Variants in GRAMD1B observed in about 807,000 individuals in gnomAD.
GRAMD1B encodes the protein protein Aster-B.
Under a neutral mutation model 99.7 loss-of-function variants are expected in GRAMD1B, and 37 were observed. The ratio of observed to expected loss-of-function variants is 0.37; its 90% confidence interval spans 0.29 to 0.49. The LOEUF is 0.49. Among genes scored for constraint, GRAMD1B ranks in the 20% least tolerant of loss-of-function variants. GRAMD1B has a pLI of 0.98. For missense variants in GRAMD1B, 888 were observed against 1,009.2 expected, an observed-to-expected ratio of 0.88 and a Z score of 1.63; for synonymous variants, 427 against 387.6, an observed-to-expected ratio of 1.10 and a Z score of -1.19.
At chr11:123,411,567 C>A (rs1379084729) in intron 1 of GRAMD1B, among the ~76,000 whole-genome samples, 1 of 152,136 alleles carries the variant, frequency 6.6e-6, no homozygotes, top group Non-Finnish European at 1.5e-5. Context: ...AAGTTACATT[C>A]CCCCAGAGAT....
intron 8 of GRAMD1B, among the ~76,000 whole-genome samples, chr11:123,602,149 G>A (rs150898853): frequency 1.6e-3 from 243 of 152,150 alleles, no homozygotes; most frequent in African/African-American, 5.3e-3. Flanking sequence ...AGAGAGCTGC[G>A]GCCCCCAACT....
At chr11:123,536,459 G>A (rs1050323377) in intron 2 of GRAMD1B, among the ~76,000 whole-genome samples, 2 of 152,018 alleles carry the variant, frequency 1.3e-5, no homozygotes, top group Admixed American at 6.6e-5. Flanking sequence ...ATAAAATCGG[G>A]TTAATGACAT....
At position 123,384,011 on chromosome 11, in the gene GRAMD1B, C is replaced by A. The variant is rs1946975938; in HGVS notation, c.-176+25212C>A. Among the ~76,000 whole-genome samples the A allele has an allele frequency of 2.6e-5, 4 of 152,014 alleles. No individual in the cohort carries two copies. The South Asian group carries it at 8.3e-4, about 32-fold the overall frequency. On this transcript the variant is annotated intron_variant, in intron 1 of 20. Coordinates refer to the GRAMD1B transcript ENST00000638157. The stretch of plus-strand genomic sequence containing the variant: ...TTAGCCTCCTGAATAGTTGGGATTA[C>A]AGGCATGCACCACCACGCCCAGCTA...
intron 2 of GRAMD1B, among the ~76,000 whole-genome samples, chr11:123,513,980 A>G (rs929729103): frequency 2.6e-5 from 4 of 152,232 alleles, no homozygotes; most frequent in South Asian, 4.1e-4. Flanking sequence ...ACTTTGAGAA[A>G]AGAGGTTAGG....
In GRAMD1B at chr11:123,626,127, G is replaced by A. The variant is rs1413806072; in HGVS notation, c.*3532G>A. 6.6e-6 allele frequency: 1 copy of A among 152,190 alleles called. No homozygotes were observed. The highest frequency in any genetic ancestry group is 1.5e-5 in the Non-Finnish European group (1 of 68,052). The allele number at this position is 152,190 out of a possible 1,614,324, so 9.4% of individuals were successfully genotyped here. ...AGCTCATCTTCTATCTCTAGGGTCTGTTCAGCCTTTCATCTATCCATCCTT... is the reference window on the plus strand; with the variant it reads ...AGCTCATCTTCTATCTCTAGGGTCTATTCAGCCTTTCATCTATCCATCCTT... On this transcript the variant is annotated 3_prime_UTR_variant, in exon 20 of 20. Coordinates refer to ENST00000635736, the MANE Select transcript of GRAMD1B (RefSeq NM_001387025.1).
At chr11:123,572,627 T>C (rs1948233004) in intron 2 of GRAMD1B, among the ~76,000 whole-genome samples, 1 of 152,154 alleles carries the variant, frequency 6.6e-6, no homozygotes, top group South Asian at 2.1e-4. Context: ...GTAAGGGGTA[T>C]ATGTGGGCTT....
intron 2 of GRAMD1B, among the ~76,000 whole-genome samples, chr11:123,574,644 G>T (rs1052124912): frequency 5.9e-5 from 9 of 152,186 alleles, no homozygotes; most frequent in African/African-American, 2.2e-4. Context: ...ATTGAGAATG[G>T]GCAGTCGTGG....
chr11:123,369,939 C>G (rs1591365828), intron 1 of GRAMD1B, among the ~76,000 whole-genome samples: 1 of 151,720 alleles, frequency 6.6e-6, no homozygotes, highest in African/African-American at 2.4e-5. Flanking sequence ...ATGCCCCTTT[C>G]TTGGAGAAAA....
intron 1 of GRAMD1B, among the ~76,000 whole-genome samples, chr11:123,390,271 A>G (rs1947228946): frequency 6.6e-6 from 1 of 152,146 alleles, no homozygotes; most frequent in Admixed American, 6.5e-5. Context: ...AAGTCCAATG[A>G]CATGAAATAA....
chr11:123,430,536 C>T lies in GRAMD1B; in HGVS notation c.-257C>T. 1 of 446,166 alleles carries T rather than the reference C, an allele frequency of 2.2e-6. No individual in the cohort carries two copies. The highest frequency in any genetic ancestry group is 3.7e-5 in the East Asian group (1 of 27,266). 27.6% of individuals were successfully genotyped at this position (446,166 alleles called of 1,614,324 possible). ...CTGCCGAGTGGCTGGCAGGCGGCTC[C>T]CGCCCCTCCCGGGTGGCCTCGCCGG... On this transcript the variant is annotated 5_prime_UTR_variant, in exon 1 of 20. Coordinates refer to ENST00000635736, the MANE Select transcript of GRAMD1B (RefSeq NM_001387025.1).
rs1948820714 is a variant in GRAMD1B, at chr11:123,430,493, A to AG, written c.-296dup. ...CGGAAGAAAAACAAGCGGGCGCGCG[A>AG]GGGGAGCCCCAGGAGGGCTGCCGAG... On this transcript the variant is annotated 5_prime_UTR_variant, in exon 1 of 20. Transcript: ENST00000635736. 1 of 388,202 alleles carries AG rather than the reference A, an allele frequency of 2.6e-6. No individual in the cohort carries two copies. The highest frequency in any genetic ancestry group is 4.6e-6 in the Non-Finnish European group (1 of 218,346). 24.0% of individuals were successfully genotyped at this position (388,202 alleles called of 1,614,324 possible). A position where few individuals can be genotyped will look rare whatever the true frequency, so the allele number is the denominator to read the frequency against.
intron 1 of GRAMD1B, among the ~76,000 whole-genome samples, chr11:123,403,448 G>GATAAAATA (rs1555112781): frequency 7.9e-5 from 11 of 139,170 alleles, no homozygotes; most frequent in African/African-American, 2.7e-4. Flanking sequence ...TGATGATGAT[G>GATAAAATA]ATAATAATAA....
chr11:123,619,587 G>T, intron 19 of GRAMD1B: 1 of 1,109,886 alleles, frequency 9.0e-7, no homozygotes, highest in Non-Finnish European at 1.1e-6. Flanking sequence ...TTCCCAGAGG[G>T]CATGTCTTTG....
At chr11:123,401,427 C>A (rs148252718) in intron 1 of GRAMD1B, among the ~76,000 whole-genome samples, 1 of 152,246 alleles carries the variant, frequency 6.6e-6, no homozygotes, top group African/African-American at 2.4e-5. Context: ...CTGTTGGCCC[C>A]GTGCAGAGCA....
intron 1 of GRAMD1B, among the ~76,000 whole-genome samples, chr11:123,379,499 A>G (rs1379121732): frequency 6.6e-6 from 1 of 152,138 alleles, no homozygotes; most frequent in Non-Finnish European, 1.5e-5. Context: ...ATGTTTTAGC[A>G]TTTATCATCA....
chr11:123,450,042 G>T (rs1490787513), intron 1 of GRAMD1B, among the ~76,000 whole-genome samples: 1 of 152,128 alleles, frequency 6.6e-6, no homozygotes, highest in Non-Finnish European at 1.5e-5. Flanking sequence ...CCGTTCTAAA[G>T]GTAGTCTCTA....
chr11:123,421,748 C>T (rs2136030291), intron 1 of GRAMD1B, among the ~76,000 whole-genome samples: 1 of 152,276 alleles, frequency 6.6e-6, no homozygotes, highest in Admixed American at 6.5e-5. Flanking sequence ...TGTTTCGTTT[C>T]CTGGAAAAGG....
intron 1 of GRAMD1B, among the ~76,000 whole-genome samples, chr11:123,380,117 A>G (rs553663604): frequency 7.9e-5 from 12 of 152,350 alleles, no homozygotes; most frequent in Non-Finnish European, 1.8e-4. Context: ...CTTTTCTCCA[A>G]TTCATCAGGT....
At chr11:123,606,855 G>T in intron 11 of GRAMD1B, 57 bp downstream of exon 11, 1 of 1,378,640 alleles carries the variant, frequency 7.3e-7, no homozygotes, top group South Asian at 1.2e-5. Context: ...AGGCTAAAAG[G>T]AGATCTCTAT....
Sources: gnomAD v4.1 joint callset for allele counts (sites outside exome capture counted in the v4.1 genomes callset) on GRCh38, gnomAD v4.1.1 for gene constraint, MANE v1.5 for transcripts, NCBI Gene and HGNC (gene_info 2026-07-23, HGNC 2026-07-21) for gene names.